SPATA9: variants seen among roughly 807,000 people sequenced by gnomAD.
The protein encoded by SPATA9 is spermatogenesis-associated protein 9.
In SPATA9, 27 loss-of-function variants were observed where a neutral mutation model predicts 25.5. That is an observed-to-expected ratio of 1.06 (90% CI 0.78 to 1.46). SPATA9 has a LOEUF of 1.46. Among genes scored for constraint, SPATA9 ranks in the 40% most tolerant of loss-of-function variants. The pLI, the probability that SPATA9 is intolerant of heterozygous loss-of-function variation, is 0.00. For synonymous variants in SPATA9, 102 were observed against 105.7 expected, an observed-to-expected ratio of 0.97 and a Z score of 0.21; for missense variants, 282 against 297.5, an observed-to-expected ratio of 0.95 and a Z score of 0.38.
chr5:95,723,542 TTTTG>T, the SPATA9 span, among the ~76,000 whole-genome samples: 1,084 of 152,362 alleles, frequency 7.1e-3, 6 homozygotes, highest in Non-Finnish European at 0.011. Context: ...TCTTGTTGTT[TTTTG>T]TTTGTTTGTT....
chr5:95,689,900 C>G (rs1294375639), intron 1 of SPATA9, among the ~76,000 whole-genome samples: 2 of 152,070 alleles, frequency 1.3e-5, no homozygotes, highest in Non-Finnish European at 2.9e-5. Context: ...ATGGATAGAG[C>G]TGAAGGCCAT....
At chr5:95,654,349 A>C (rs767559079), downstream of SPATA9, 8 of 1,607,048 alleles carry the variant, frequency 5.0e-6, no homozygotes, top group African/African-American at 2.7e-5. Context: ...GAGGACCTTT[A>C]CATTTGGGAG....
Position 95,681,437 on chromosome 5 carries a change from A to C in SPATA9, c.150+1091T>G, listed in dbSNP as rs183993348. ...ACTACTATTCATCCATTGGGACCCA[A>C]CTTAAAAGCATGCTTCCTCCATGAA... On this transcript the variant is annotated intron_variant, in intron 2 of 4. Transcript: ENST00000274432. 3.5e-3 allele frequency among the ~76,000 whole-genome samples: 525 copies of C among 152,168 alleles called. 5 individuals are homozygous for C. The highest frequency in any genetic ancestry group is 4.3e-3 in the South Asian group (21 of 4,828).
chr5:95,725,275 A>AC, the SPATA9 span, among the ~76,000 whole-genome samples: 3 of 152,288 alleles, frequency 2.0e-5, no homozygotes, highest in Non-Finnish European at 4.4e-5. Context: ...ACAAATGATG[A>AC]TGAATAAAAG....
intron 3 of SPATA9, among the ~76,000 whole-genome samples, chr5:95,674,326 A>G (rs1021240381): frequency 6.6e-6 from 1 of 152,140 alleles, no homozygotes; most frequent in Non-Finnish European, 1.5e-5. Flanking sequence ...GGATTCCCTC[A>G]TTCCACACCA....
chr5:95,680,585 G>C (rs1009397314), intron 2 of SPATA9, among the ~76,000 whole-genome samples: 5 of 152,002 alleles, frequency 3.3e-5, no homozygotes, highest in Admixed American at 1.3e-4. Flanking sequence ...CATTGTCGGG[G>C]GTTCTATCCT....
chr5:95,683,620 C>T (rs529763370), upstream of SPATA9, among the ~76,000 whole-genome samples: 3 of 152,188 alleles, frequency 2.0e-5, no homozygotes, highest in Non-Finnish European at 4.4e-5. Context: ...TCACTGCAAC[C>T]TCAGCCTCCC....
At chr5:95,661,340 C>T (rs1000322259) in intron 4 of SPATA9, among the ~76,000 whole-genome samples, 7 of 152,006 alleles carry the variant, frequency 4.6e-5, no homozygotes, top group South Asian at 2.1e-4. Context: ...TGGTTCCACT[C>T]GTAGGACATT....
chr5:95,720,321 T>C, the SPATA9 span, among the ~76,000 whole-genome samples: 2 of 91,664 alleles, frequency 2.2e-5, no homozygotes, highest in Non-Finnish European at 3.7e-5. Context: ...AGTGACTCTA[T>C]TTAGATCAAT....
At chr5:95,703,098 A>G (rs1483418778), upstream of SPATA9, among the ~76,000 whole-genome samples, 1 of 152,230 alleles carries the variant, frequency 6.6e-6, no homozygotes, top group Non-Finnish European at 1.5e-5. Flanking sequence ...AAGTATAAGC[A>G]GGGGAAAACA....
Position 95,675,531 on chromosome 5 carries a change from T to C in SPATA9, c.259A>G (p.Lys87Glu). Residue 87 changes from lysine to glutamate, a missense_variant, in exon 3 of 5, where the codon AAA becomes GAA. Physicochemically the swap from Lys to Glu is moderately conservative, Grantham distance 56. Coordinates refer to ENST00000274432, the MANE Select transcript of SPATA9 (RefSeq NM_031952.4). The stretch of plus-strand genomic sequence containing the variant: ...GGATGCAGAAGTTTGGCCACTGATT[T>C]GGAGGATCTGGATATGCTGTTTAAT... ...RGLNSISRSS[K>E]SVAKLLHPQL... 6.2e-7 allele frequency: 1 copy of C among 1,614,154 alleles called. No individual in the cohort carries two copies. The highest frequency in any genetic ancestry group is 8.5e-7 in the Non-Finnish European group (1 of 1,180,018).
Position 95,682,823 on chromosome 5 carries a change from C to A in SPATA9, c.32G>T (p.Gly11Val). The change falls in exon 1 of 5, where the codon GGG (glycine) becomes GTG (valine). Residue 11 changes from glycine (G) to valine (V), a missense_variant. Transcript: ENST00000274432. ...TCCAGAAAAGTTCTTCAACACCTGC[C>A]CACATATCCACCCAACAGGTTTGAT... is the stretch of plus-strand genomic sequence containing the variant. Reference protein sequence around the residue: MPIKPVGWICGQVLKNFSGRI... With the variant: MPIKPVGWICVQVLKNFSGRI... 1 of 1,548,368 alleles carries A rather than the reference C, an allele frequency of 6.5e-7. No homozygotes were observed. The highest frequency in any genetic ancestry group is 8.7e-7 in the Non-Finnish European group (1 of 1,152,014).
chr5:95,670,013 G>A (rs1046721538), intron 3 of SPATA9, among the ~76,000 whole-genome samples: 10 of 152,118 alleles, frequency 6.6e-5, no homozygotes, highest in Admixed American at 2.0e-4. Flanking sequence ...GTGGCAAGCT[G>A]GAAAGGCTTG....
chr5:95,712,571 C>T, the SPATA9 span, among the ~76,000 whole-genome samples: 1 of 152,156 alleles, frequency 6.6e-6, no homozygotes, highest in Non-Finnish European at 1.5e-5. Context: ...GGTTATCAGC[C>T]CCAGCTGAAG....
At chr5:95,696,462 T>C (rs138060825) in intron 1 of SPATA9, among the ~76,000 whole-genome samples, 1 of 152,208 alleles carries the variant, frequency 6.6e-6, no homozygotes. Context: ...AGTACATTGT[T>C]TTGGGTGAAA....
chr5:95,729,321 TA>T, the SPATA9 span, among the ~76,000 whole-genome samples: 1 of 152,206 alleles, frequency 6.6e-6, no homozygotes, highest in Admixed American at 6.5e-5. Context: ...AAGTCTTATG[TA>T]CCTTGGGATC....
intron 1 of SPATA9, among the ~76,000 whole-genome samples, chr5:95,689,796 A>G (rs1753837403): frequency 6.6e-6 from 1 of 152,146 alleles, no homozygotes. Flanking sequence ...TCAAAAACAC[A>G]ATGAGGTACC....
chr5:95,683,500 A>T (rs1461924117), upstream of SPATA9, among the ~76,000 whole-genome samples: 4 of 152,040 alleles, frequency 2.6e-5, no homozygotes, highest in African/African-American at 9.7e-5. Context: ...TACCATGCAG[A>T]CTTGATTGAC....
At chr5:95,653,903 A>C (rs1365489483), downstream of SPATA9, among the ~76,000 whole-genome samples, 2 of 152,164 alleles carry the variant, frequency 1.3e-5, no homozygotes, top group African/African-American at 4.8e-5. Flanking sequence ...GTCTCAAAAT[A>C]ATAATAATCT....
Sources: gnomAD v4.1 joint callset for allele counts (sites outside exome capture counted in the v4.1 genomes callset) on GRCh38, gnomAD v4.1.1 for gene constraint, MANE v1.5 for transcripts, NCBI Gene and HGNC (gene_info 2026-07-23, HGNC 2026-07-21) for gene names.